FLOT1: variants seen among roughly 807,000 people sequenced by gnomAD.
FLOT1 encodes the protein flotillin-1.
Under a neutral mutation model 58.4 loss-of-function variants are expected in FLOT1, and 40 were observed. That is an observed-to-expected ratio of 0.69 (90% CI 0.53 to 0.89). The LOEUF (loss-of-function observed/expected upper bound fraction) is 0.89. Among genes scored for constraint, FLOT1 ranks in the 40% least tolerant of loss-of-function variants. The pLI is 0.00. For missense variants in FLOT1, 423 were observed against 540.8 expected, an observed-to-expected ratio of 0.78 and a Z score of 2.16; for synonymous variants, 178 against 204.2, an observed-to-expected ratio of 0.87 and a Z score of 1.09.
At position 30,742,186 on chromosome 6, in the gene FLOT1, A is replaced by C; in HGVS notation, c.4T>G (p.Phe2Val). The change falls in exon 2 of 13, where the codon TTT becomes GTT. Residue 2 changes from phenylalanine (F) to valine (V), a missense_variant. Phe to Val is a conservative substitution (Grantham distance 50). This residue lies in a region of FLOT1 where 91 missense variants were observed against 118.3 expected (regional missense o/e 0.77). Coordinates refer to ENST00000376389, the MANE Select transcript of FLOT1 (RefSeq NM_005803.4). The surrounding 1 kb of genome is among the most constrained non-coding windows in gnomAD (Gnocchi z 5.2). ...GCCTCATTTGGGCCACAAGTGAAAA[A>C]CATGGTTCAGGCTGGAGCTGGAGGA... MFFTCGPNEAMV... is the reference protein window; with the variant it reads MVFTCGPNEAMV... The C allele has an allele frequency of 6.2e-7, 1 of 1,612,896 alleles. No individual in the cohort carries two copies.
Position 30,741,326 on chromosome 6 carries a change from A to AT in FLOT1, c.217dup (p.Ile73AsnfsTer23). 6.2e-7 allele frequency: 1 copy of AT among 1,612,948 alleles called. No individual in the cohort carries two copies. Among genetic ancestry groups the AT allele is most frequent in the Non-Finnish European group, 8.5e-7 (1 of 1,180,004 alleles). ...CAACATCTCCTTGTTCTGCCCCTGGATTTTTACCTGTAGCCAGAGTAGGGG... is the reference window on the plus strand; with the variant it reads ...CAACATCTCCTTGTTCTGCCCCTGGATTTTTTACCTGTAGCCAGAGTAGGGG... On this transcript the variant is annotated frameshift_variant, in exon 5 of 13. Coordinates refer to ENST00000376389, the MANE Select transcript of FLOT1 (RefSeq NM_005803.4). LOFTEE classifies it high-confidence loss of function. The surrounding 1 kb of genome is among the most constrained non-coding windows in gnomAD (Gnocchi z 5.9).
At chr6:30,732,870 C>A (rs1009023277) in intron 8 of FLOT1, among the ~76,000 whole-genome samples, 1 of 152,172 alleles carries the variant, frequency 6.6e-6, no homozygotes. Flanking sequence ...CCCTCTACAC[C>A]GGTGTGCAGG....
intron 8 of FLOT1, among the ~76,000 whole-genome samples, chr6:30,732,518 AT>A (rs1260151146): frequency 1.3e-5 from 2 of 151,448 alleles, no homozygotes; most frequent in African/African-American, 2.4e-5. Flanking sequence ...ACACCCGGCT[AT>A]TTTTTGTACT....
At chr6:30,740,017 C>T (rs1206857772) in intron 8 of FLOT1, 141 bp downstream of exon 8, 12 of 766,584 alleles carry the variant, frequency 1.6e-5, no homozygotes, top group Admixed American at 2.8e-5. Flanking sequence ...AATCTCTCCT[C>T]ATATGGGGGA....
rs1777864069 is a variant in FLOT1 at position 30,740,162 on chromosome 6, A to C, written c.719T>G (p.Leu240Arg). The C allele has an allele frequency of 2.5e-6, 4 of 1,612,780 alleles. No homozygotes were observed. In the African/African-American group the frequency reaches 4.0e-5, roughly 16 times the overall value. ...RRAQADLAYQ[L>R]QVAKTKQQIE... is the part of the protein sequence containing the mutation. ...TGGCCTGGCAGTGGCTCTGACCTGA[A>C]GCTGATAGGCCAGGTCAGCCTGTGC... The change falls in exon 8 of 13, where the codon CTT becomes CGT. Residue 240 changes from leucine to arginine, a missense_variant. Leu to Arg is a moderately radical substitution (Grantham distance 102). Coordinates refer to ENST00000376389, the MANE Select transcript of FLOT1 (RefSeq NM_005803.4).
At chr6:30,728,959 T>A (rs993023800) in intron 12 of FLOT1, among the ~76,000 whole-genome samples, 8 of 151,862 alleles carry the variant, frequency 5.3e-5, no homozygotes, top group African/African-American at 1.2e-4. Flanking sequence ...TTTGTATTTT[T>A]AGTAGAGACG....
Position 30,731,073 on chromosome 6 carries a change from C to T in FLOT1, c.751G>A (p.Glu251Lys). ...ACCACCTGCACCTGCACCCGCTGCT[C>T]CTCAATCTGCTGCTTAGTCTTGGCC... ...QVAKTKQQIE[E>K]QRVQVQVVER... Residue 251 changes from glutamate to lysine, a missense_variant, in exon 9 of 13, where the codon GAG becomes AAG. Coordinates refer to ENST00000376389, the MANE Select transcript of FLOT1 (RefSeq NM_005803.4). 6.2e-7 allele frequency: 1 copy of T among 1,609,220 alleles called. No homozygotes were observed. Among genetic ancestry groups the T allele is most frequent in the Non-Finnish European group, 8.5e-7 (1 of 1,179,508 alleles).
chr6:30,728,464 CT>C (rs70987657), intron 12 of FLOT1, among the ~76,000 whole-genome samples: 19,277 of 146,204 alleles, frequency 0.13, 1,456 homozygotes, highest in Middle Eastern at 0.25. Flanking sequence ...TTTACATACG[CT>C]TTTTTTTTTT....
chr6:30,730,139 T>C lies in FLOT1; in HGVS notation c.1137A>G (p.Thr379=), dbSNP rs554872476. 8 of 1,613,080 alleles carry C rather than the reference T, an allele frequency of 5.0e-6. 1 individual carries two copies. In the East Asian group the frequency reaches 8.9e-5, roughly 18 times the overall value. Residue 379 remains threonine, a synonymous_variant, in exon 12 of 13, where the codon ACA becomes ACG. Coordinates refer to ENST00000376389, the MANE Select transcript of FLOT1 (RefSeq NM_005803.4). The stretch of plus-strand genomic sequence containing the variant: ...TGGTCCCACTGCCGCTGGACACCAG[T>C]GTGATCTTATTGGCTGAAGTCAAGG... ...SGPLTSANKI[T]LVSSGSGTMG...
chr6:30,728,292 A>C (rs1776883071), intron 12 of FLOT1, 147 bp from the exon 13 acceptor site: 3 of 711,508 alleles, frequency 4.2e-6, no homozygotes, highest in Non-Finnish European at 7.6e-6. Flanking sequence ...CTGTTTCCCC[A>C]AACAAAGACA....
chr6:30,730,393 TTCC>T (rs1197441209), intron 11 of FLOT1, 32 bp downstream of exon 11: 4 of 1,540,870 alleles, frequency 2.6e-6, no homozygotes, highest in East Asian at 2.3e-5. Flanking sequence ...CTGGTTCTAT[TTCC>T]TCCTTTCTTG....
Position 30,741,766 on chromosome 6 carries a change from C to T in FLOT1, c.119+26G>A, listed in dbSNP as rs566131357. The T allele has an allele frequency of 6.2e-6, 10 of 1,611,952 alleles. No individual in the cohort carries two copies. In the Admixed American group the frequency reaches 1.2e-4, roughly 19 times the overall value. Reference sequence around the variant, plus strand: ...AGGAAAAAGAGAAAACGGAGGTCCCCCTTCCCTGGTTCCCTTCTTGCCTAC... The same window carrying T: ...AGGAAAAAGAGAAAACGGAGGTCCCTCTTCCCTGGTTCCCTTCTTGCCTAC... On this transcript the variant is annotated intron_variant, in intron 3 of 12. Transcript: ENST00000376389. The surrounding 1 kb of genome is among the most constrained non-coding windows in gnomAD (Gnocchi z 5.9).
At chr6:30,732,106 C>G (rs546118122) in intron 8 of FLOT1, among the ~76,000 whole-genome samples, 1 of 152,280 alleles carries the variant, frequency 6.6e-6, no homozygotes, top group South Asian at 2.1e-4. Flanking sequence ...GCTGGGACTA[C>G]AGGCATGTGC....
chr6:30,728,264 T>C (rs1776880779), intron 12 of FLOT1, 119 bp from the exon 13 acceptor site: 4 of 821,252 alleles, frequency 4.9e-6, no homozygotes, highest in Admixed American at 1.9e-5. Flanking sequence ...GCCAGGGTTC[T>C]TTCTGGTGCC....
chr6:30,740,437 T>G (rs774439483), intron 7 of FLOT1, 59 bp downstream of exon 7: 2 of 1,587,082 alleles, frequency 1.3e-6, no homozygotes, highest in South Asian at 1.1e-5. Context: ...CACCCCTGCT[T>G]CTTCTCAGTT....
chr6:30,732,150 G>A (rs2127766297), intron 8 of FLOT1, among the ~76,000 whole-genome samples: 1 of 151,638 alleles, frequency 6.6e-6, no homozygotes, highest in East Asian at 1.9e-4. Flanking sequence ...ATTTTTTTTA[G>A]TAGAGACGGG....
intron 7 of FLOT1, 23 bp downstream of exon 7, chr6:30,740,473 T>C: frequency 7.5e-6 from 12 of 1,609,244 alleles, no homozygotes; most frequent in Non-Finnish European, 1.0e-5. Context: ...CCTTTCCCAC[T>C]AAGCAACCCC....
intron 11 of FLOT1, 89 bp from the exon 12 acceptor site, chr6:30,730,275 C>T: frequency 6.5e-7 from 1 of 1,527,538 alleles, no homozygotes. Context: ...GTCCTCGTTC[C>T]ACTGATCATC....
At chr6:30,739,962 G>A (rs527665462) in intron 8 of FLOT1, among the ~76,000 whole-genome samples, 196 bp downstream of exon 8, 1 of 152,334 alleles carries the variant, frequency 6.6e-6, no homozygotes, top group African/African-American at 2.4e-5. Context: ...ACACCCGGCT[G>A]GCCTTTTCTT....
Sources: gnomAD v4.1 joint callset for allele counts (sites outside exome capture counted in the v4.1 genomes callset) on GRCh38, gnomAD v4.1.1 for gene constraint, gnomAD v4.1.1 regional missense constraint, Gnocchi (gnomAD v3.1) non-coding constraint, MANE v1.5 for transcripts, NCBI Gene and HGNC (gene_info 2026-07-23, HGNC 2026-07-21) for gene names.